Variants in MYO7A observed in about 807,000 individuals in gnomAD.
MYO7A encodes unconventional myosin-VIIa.
Under a neutral mutation model 263.8 loss-of-function variants are expected in MYO7A, and 210 were observed. The observed-to-expected ratio is 0.80, with a 90% CI of 0.71 to 0.89. The LOEUF (loss-of-function observed/expected upper bound fraction) is 0.89. MYO7A is among the 40% of genes least tolerant of loss of function. MYO7A has a pLI of 0.00. For missense variants in MYO7A, 2,820 were observed against 2,968.3 expected (o/e 0.95, Z 1.16); for synonymous variants, 1,239 against 1,197.3 (o/e 1.03, Z -0.72).
At chr11:77,190,598 G>C in intron 29 of MYO7A, 99 bp from the exon 30 acceptor site, 2 of 1,353,200 alleles carry the variant, frequency 1.5e-6, no homozygotes, top group Non-Finnish European at 1.0e-6. Context: ...TGGGGTGCTG[G>C]GGCACCTCCA....
rs1555085481 is a variant in MYO7A at position 77,182,491 on chromosome 11, C to T, written c.3176C>T (p.Thr1059Ile). ...MGDLPEPKYHTAMSDGSEKIP... is the reference protein window; with the variant it reads ...MGDLPEPKYHIAMSDGSEKIP... Reference sequence around the variant, plus strand: ...GACCTCCCTGAGCCCAAGTACCACACAGCCATGAGTGATGGCAGTGAGAAG... The same window carrying T: ...GACCTCCCTGAGCCCAAGTACCACATAGCCATGAGTGATGGCAGTGAGAAG... Residue 1059 changes from threonine (T) to isoleucine (I), a missense_variant, in exon 25 of 49, where the codon ACA (threonine) becomes ATA (isoleucine). By Grantham distance (89) the Thr-to-Ile change is moderately conservative. Coordinates refer to ENST00000409709, the MANE Select transcript of MYO7A (RefSeq NM_000260.4). 9 of 1,611,252 alleles carry T rather than the reference C, an allele frequency of 5.6e-6. No individual in the cohort carries two copies. Among genetic ancestry groups the T allele is most frequent in the East Asian group, 2.2e-5 (1 of 44,884 alleles).
intron 4 of MYO7A, among the ~76,000 whole-genome samples, chr11:77,150,994 C>T (rs1007788418): frequency 6.6e-6 from 1 of 152,172 alleles, no homozygotes; most frequent in African/African-American, 2.4e-5. Context: ...AGGATTTCCT[C>T]CGATTACCAT....
intron 16 of MYO7A, among the ~76,000 whole-genome samples, chr11:77,173,126 G>C (rs1241077171): frequency 6.6e-6 from 1 of 152,244 alleles, no homozygotes; most frequent in African/African-American, 2.4e-5. Context: ...CCATGTACAA[G>C]TGGGCGACTG....
intron 15 of MYO7A, among the ~76,000 whole-genome samples, chr11:77,171,486 G>T (rs1434191567): frequency 6.6e-6 from 1 of 152,142 alleles, no homozygotes; most frequent in Non-Finnish European, 1.5e-5. Context: ...AATGCAGTTG[G>T]AAAGCATTGC....
chr11:77,205,656 G>A (rs748603508), intron 40 of MYO7A, 39 bp downstream of exon 40: 216 of 1,609,978 alleles, frequency 1.3e-4, no homozygotes, highest in Non-Finnish European at 1.6e-4. Flanking sequence ...ACACTGGGGC[G>A]GGCTCCTGGC....
At chr11:77,175,943 C>T (rs1954618304) in intron 18 of MYO7A, among the ~76,000 whole-genome samples, 1 of 152,220 alleles carries the variant, frequency 6.6e-6, no homozygotes, top group South Asian at 2.1e-4. Flanking sequence ...CCCATTGCTG[C>T]CTGGGCAGCT....
intron 2 of MYO7A, among the ~76,000 whole-genome samples, chr11:77,136,628 T>C (rs1432401120): frequency 6.6e-6 from 1 of 152,196 alleles, no homozygotes; most frequent in Non-Finnish European, 1.5e-5. Flanking sequence ...CTGGCACTCA[T>C]ATACATTTGG....
intron 3 of MYO7A, among the ~76,000 whole-genome samples, chr11:77,147,588 C>T (rs1555054356): frequency 6.6e-6 from 1 of 152,130 alleles, no homozygotes; most frequent in Admixed American, 6.5e-5. Flanking sequence ...GGGAAAATCC[C>T]CTAAGAGAAG....
intron 31 of MYO7A, among the ~76,000 whole-genome samples, chr11:77,193,172 G>C (rs981909235): frequency 5.3e-5 from 8 of 150,248 alleles, no homozygotes; most frequent in East Asian, 2.0e-4. Flanking sequence ...TGTTGGTGAT[G>C]GTGGAGGTAG....
At position 77,156,921 on chromosome 11, in the gene MYO7A, G is replaced by A. The variant is rs201539845; in HGVS notation, c.652G>A (p.Asp218Asn). ...DNSSRFGKYI[D>N]IHFNKRGAIE... ...CTCAAGCCGTTTCGGAAAGTACATC[G>A]ACATCCACTTCAACAAGCGGGGCGC... Residue 218 changes from aspartate (D) to asparagine (N), a missense_variant, in exon 7 of 49, where the codon GAC becomes AAC. Coordinates refer to ENST00000409709, the MANE Select transcript of MYO7A (RefSeq NM_000260.4). 5.1e-5 allele frequency: 83 copies of A among 1,613,872 alleles called. No individual in the cohort carries two copies. The highest frequency in any genetic ancestry group is 1.3e-4 in the Admixed American group (8 of 60,010).
rs1954492207 is a variant in MYO7A at position 77,174,928 on chromosome 11, T to C, written c.2094+14T>C. 1 of 1,609,114 alleles carries C rather than the reference T, an allele frequency of 6.2e-7. No homozygotes were observed. The highest frequency in any genetic ancestry group is 8.5e-7 in the Non-Finnish European group (1 of 1,176,344). On this transcript the variant is annotated intron_variant, in intron 17 of 48. Transcript: ENST00000409709. ...GCCTACAAGCAGGTACAGGGCTGAGTGCACAGAGGGCAGGAGGGGAGGGTC... is the reference window on the plus strand; with the variant it reads ...GCCTACAAGCAGGTACAGGGCTGAGCGCACAGAGGGCAGGAGGGGAGGGTC...
intron 2 of MYO7A, among the ~76,000 whole-genome samples, chr11:77,135,738 CTGTTTTGTTT>C (rs57209537): frequency 0.38 from 57,277 of 151,500 alleles, 13,196 homozygotes; most frequent in East Asian, 0.64. Flanking sequence ...TACTTATTTT[CTGTTTTGTTT>C]TGTTTTGTTT....
intron 1 of MYO7A, 112 bp from the exon 2 acceptor site, chr11:77,130,477 C>A: frequency 1.3e-6 from 1 of 768,076 alleles, no homozygotes; most frequent in Non-Finnish European, 2.1e-6. Context: ...AGGAGGGTTC[C>A]CTTGAGGGAG....
Position 77,167,724 on chromosome 11 carries a change from A to G in MYO7A, c.1797+1562A>G, listed in dbSNP as rs560129162. On this transcript the variant is annotated intron_variant, in intron 15 of 48. Coordinates refer to ENST00000409709, the MANE Select transcript of MYO7A (RefSeq NM_000260.4). The stretch of plus-strand genomic sequence containing the variant: ...ATCCTTCCACTTTGGCCTGGTGCTG[A>G]GTCCTTCTTCCTTCCTGCCTGCCTG... Among the ~76,000 whole-genome samples, 3 of 152,204 alleles carry G rather than the reference A, an allele frequency of 2.0e-5. No individual in the cohort carries two copies. In the East Asian group the frequency reaches 5.8e-4, roughly 30 times the overall value.
chr11:77,174,363 C>T (rs1158629085), intron 16 of MYO7A, among the ~76,000 whole-genome samples: 13 of 152,332 alleles, frequency 8.5e-5, no homozygotes, highest in Admixed American at 8.5e-4. Context: ...ACGAGCCTCT[C>T]TAGCTCCCTC....
chr11:77,192,740 G>T (rs1785818458), intron 31 of MYO7A, among the ~76,000 whole-genome samples: 1 of 139,938 alleles, frequency 7.1e-6, no homozygotes, highest in African/African-American at 2.6e-5. Flanking sequence ...TTCTGTTGGT[G>T]ATTGTGATGG....
chr11:77,206,156 C>A lies in MYO7A; in HGVS notation c.5696C>A (p.Thr1899Asn), dbSNP rs1445347445. Reference sequence around the variant, plus strand: ...GAGGTGGAGGCCATCCAGCACAAGACCACCCAGATTTTCCACAAAGTCTAC... The same window carrying A: ...GAGGTGGAGGCCATCCAGCACAAGAACACCCAGATTTTCCACAAAGTCTAC... ...LVEVEAIQHK[T>N]TQIFHKVYFP... Residue 1899 changes from threonine to asparagine, a missense_variant, in exon 41 of 49, where the codon ACC (threonine) becomes AAC (asparagine). Coordinates refer to ENST00000409709, the MANE Select transcript of MYO7A (RefSeq NM_000260.4). The A allele has an allele frequency of 6.2e-7, 1 of 1,613,572 alleles. No homozygotes were observed.
intron 8 of MYO7A, among the ~76,000 whole-genome samples, chr11:77,158,067 G>C (rs1263798145): frequency 6.6e-6 from 1 of 152,132 alleles, no homozygotes; most frequent in Non-Finnish European, 1.5e-5. Context: ...CCCAGATGTG[G>C]AGAATGAGTT....
intron 4 of MYO7A, 97 bp downstream of exon 4, chr11:77,148,047 G>C (rs1951709537): frequency 8.7e-7 from 1 of 1,143,512 alleles, no homozygotes; most frequent in Non-Finnish European, 1.2e-6. Context: ...GCCCCGCCCT[G>C]CCGGGGCCCT....
Sources: allele counts gnomAD v4.1 joint callset (sites outside exome capture counted in the v4.1 genomes callset), GRCh38; gene constraint gnomAD v4.1.1; transcripts MANE v1.5; gene names NCBI Gene and HGNC (gene_info 2026-07-23, HGNC 2026-07-21).